Variants in OXCT1 observed in about 807,000 individuals in gnomAD.
OXCT1 encodes the protein succinyl-CoA:3-ketoacid coenzyme A transferase 1, mitochondrial.
OXCT1 carries 27 observed loss-of-function variants against 69.6 expected under a neutral mutation model. The ratio of observed to expected loss-of-function variants is 0.39; its 90% confidence interval spans 0.29 to 0.54. The LOEUF is 0.54. Ranked by LOEUF, OXCT1 falls within the 20% of genes least tolerant of loss-of-function variation. OXCT1 has a pLI of 0.72. For synonymous variants in OXCT1, 202 were observed against 217.8 expected (o/e 0.93, Z 0.64); for missense variants, 437 against 650.2 (o/e 0.67, Z 3.57).
chr5:41,812,696 G>A (rs1306209549), intron 7 of OXCT1, among the ~76,000 whole-genome samples: 1 of 151,934 alleles, frequency 6.6e-6, no homozygotes, highest in Non-Finnish European at 1.5e-5. Context: ...GGAAAAAACA[G>A]AGCAGTTCAA....
intron 11 of OXCT1, 135 bp from the exon 12 acceptor site, chr5:41,794,884 T>TG (rs1202636998): frequency 1.2e-6 from 1 of 852,818 alleles, no homozygotes; most frequent in Non-Finnish European, 1.9e-6. Flanking sequence ...ACATAGCAGG[T>TG]GGGGGGACAC....
chr5:41,803,684 A>G (rs1746529537), intron 9 of OXCT1, among the ~76,000 whole-genome samples: 1 of 152,104 alleles, frequency 6.6e-6, no homozygotes, highest in East Asian at 1.9e-4. Context: ...ATTCATTGGT[A>G]ACTGAATTTT....
At chr5:41,835,440 T>C (rs1002923696) in intron 7 of OXCT1, among the ~76,000 whole-genome samples, 1 of 152,222 alleles carries the variant, frequency 6.6e-6, no homozygotes, top group East Asian at 1.9e-4. Context: ...TCTTAGAATA[T>C]CACTTTTGAA....
chr5:41,733,829 T>C (rs969046485), intron 16 of OXCT1, among the ~76,000 whole-genome samples: 1 of 152,194 alleles, frequency 6.6e-6, no homozygotes, highest in Admixed American at 6.5e-5. Context: ...CTCATCAACG[T>C]TGTAAATTCA....
chr5:41,809,696 C>A (rs1431510275), intron 7 of OXCT1, among the ~76,000 whole-genome samples: 1 of 151,860 alleles, frequency 6.6e-6, no homozygotes, highest in Admixed American at 6.6e-5. Flanking sequence ...TGATGGAAAC[C>A]CGCCACTATT....
chr5:41,742,927 C>G (rs1743253344), intron 15 of OXCT1, among the ~76,000 whole-genome samples: 1 of 152,000 alleles, frequency 6.6e-6, no homozygotes, highest in Non-Finnish European at 1.5e-5. Context: ...TGAATAGTGC[C>G]ACAATAAACA....
At chr5:41,821,603 G>A (rs1024104385) in intron 7 of OXCT1, among the ~76,000 whole-genome samples, 10 of 152,174 alleles carry the variant, frequency 6.6e-5, no homozygotes, top group Non-Finnish European at 1.2e-4. Flanking sequence ...TTACATCCTC[G>A]TCAGCATTTG....
chr5:41,790,931 G>T (rs558495512), intron 13 of OXCT1, among the ~76,000 whole-genome samples: 27 of 152,124 alleles, frequency 1.8e-4, no homozygotes, highest in African/African-American at 6.0e-4. Flanking sequence ...AAATCATCTC[G>T]CTTTTACCAG....
At chr5:41,758,173 T>C (rs1561366962) in intron 14 of OXCT1, among the ~76,000 whole-genome samples, 3 of 151,958 alleles carry the variant, frequency 2.0e-5, no homozygotes, top group Admixed American at 2.0e-4. Context: ...TACGTAGGGG[T>C]AGGGGCAGAG....
intron 8 of OXCT1, among the ~76,000 whole-genome samples, chr5:41,806,771 C>T (rs1746700429): frequency 6.6e-6 from 1 of 152,076 alleles, no homozygotes; most frequent in South Asian, 2.1e-4. Context: ...ATAAATTACC[C>T]AGTCTCAGGT....
chr5:41,749,090 GGCT>G (rs1348874614), intron 15 of OXCT1, among the ~76,000 whole-genome samples: 1 of 151,992 alleles, frequency 6.6e-6, no homozygotes, highest in Non-Finnish European at 1.5e-5. Flanking sequence ...TACATTTCTT[GGCT>G]TACTGTGGGG....
chr5:41,740,952 CT>C (rs70988866), intron 15 of OXCT1, among the ~76,000 whole-genome samples: 45,965 of 135,956 alleles, frequency 0.34, 8,229 homozygotes, highest in African/African-American at 0.59. Flanking sequence ...GGCCTAGAAT[CT>C]TTTTTTTTTT....
At chr5:41,793,830 G>A (rs1746046741) in intron 13 of OXCT1, among the ~76,000 whole-genome samples, 173 bp downstream of exon 13, 1 of 152,050 alleles carries the variant, frequency 6.6e-6, no homozygotes, top group African/African-American at 2.4e-5. Flanking sequence ...ACAGTAAATT[G>A]GCAAAGCTGA....
chr5:41,833,060 G>A (rs191484295), intron 7 of OXCT1, among the ~76,000 whole-genome samples: 48 of 152,218 alleles, frequency 3.2e-4, no homozygotes, highest in African/African-American at 1.1e-3. Context: ...TTAAAGAAGA[G>A]GTAGAGAAAG....
At position 41,807,457 on chromosome 5, in the gene OXCT1, C is replaced by G. The variant is rs183433006; in HGVS notation, c.733-19G>C. The G allele has an allele frequency of 1.4e-6, 2 of 1,416,992 alleles. No homozygotes were observed. Among genetic ancestry groups the G allele is most frequent in the Non-Finnish European group, 2.0e-6 (2 of 1,002,262 alleles). The allele number at this position is 1,416,992 out of a possible 1,614,324, so 87.8% of individuals were successfully genotyped here. A position where few individuals can be genotyped will look rare whatever the true frequency, so the allele number is the denominator to read the frequency against. Reference sequence around the variant, plus strand: ...CTTCAACCTAGACAAAGAGAAATTTCTTTCAAAGTTAGTGAAAGCTTAAAG... The same window carrying G: ...CTTCAACCTAGACAAAGAGAAATTTGTTTCAAAGTTAGTGAAAGCTTAAAG... On this transcript the variant is annotated intron_variant, in intron 7 of 16. Coordinates refer to ENST00000196371, the MANE Select transcript of OXCT1 (RefSeq NM_000436.4).
intron 11 of OXCT1, among the ~76,000 whole-genome samples, chr5:41,797,402 T>G (rs1488739915): frequency 6.6e-6 from 1 of 152,242 alleles, no homozygotes; most frequent in Non-Finnish European, 1.5e-5. Flanking sequence ...TCAGCATTTT[T>G]AAACATCCAA....
At chr5:41,767,048 A>C (rs934478689) in intron 13 of OXCT1, among the ~76,000 whole-genome samples, 1 of 152,240 alleles carries the variant, frequency 6.6e-6, no homozygotes, top group Non-Finnish European at 1.5e-5. Context: ...TCTAGAAAAG[A>C]AATAGTCCTC....
chr5:41,833,474 T>C (rs576690737), intron 7 of OXCT1, among the ~76,000 whole-genome samples: 9 of 147,234 alleles, frequency 6.1e-5, no homozygotes, highest in Non-Finnish European at 1.2e-4. Flanking sequence ...AGGGATTTCA[T>C]CAACACCAGA....
At chr5:41,838,817 T>C (rs969591034) in intron 7 of OXCT1, among the ~76,000 whole-genome samples, 3 of 152,150 alleles carry the variant, frequency 2.0e-5, no homozygotes, top group South Asian at 2.1e-4. Context: ...GGTTTCACCA[T>C]GTTGCCCTTG....
Sources: allele counts gnomAD v4.1 joint callset (sites outside exome capture counted in the v4.1 genomes callset), GRCh38; gene constraint gnomAD v4.1.1; transcripts MANE v1.5; gene names NCBI Gene and HGNC (gene_info 2026-07-23, HGNC 2026-07-21).